The following BBX variants were observed in gnomAD, a reference collection of about 807,000 sequenced individuals.
BBX encodes BBX high mobility group box domain containing.
A neutral mutation model predicts 100.2 loss-of-function variants in BBX; 30 were observed. The ratio of observed to expected loss-of-function variants is 0.30; its 90% confidence interval spans 0.22 to 0.41. The LOEUF is 0.41. BBX is among the 10% of genes least tolerant of loss of function. The pLI, the probability that BBX is intolerant of heterozygous loss-of-function variation, is 1.00. For synonymous variants in BBX, 376 were observed against 388.1 expected (o/e 0.97, Z 0.37); for missense variants, 1,023 against 1,129.8 (o/e 0.91, Z 1.35).
chr3:107,543,423 G>T (rs377608116), intron 2 of BBX, among the ~76,000 whole-genome samples: 1 of 152,212 alleles, frequency 6.6e-6, no homozygotes, highest in South Asian at 2.1e-4. Flanking sequence ...TGTTTTTATT[G>T]TTTATAAATG....
At chr3:107,765,586 A>G (rs1171034054) in intron 10 of BBX, among the ~76,000 whole-genome samples, 1 of 152,160 alleles carries the variant, frequency 6.6e-6, no homozygotes, top group African/African-American at 2.4e-5. Flanking sequence ...CATTGGGATT[A>G]TAGGTGTGAG....
chr3:107,528,184 G>A (rs752437789), intron 2 of BBX, among the ~76,000 whole-genome samples: 46 of 152,228 alleles, frequency 3.0e-4, no homozygotes, highest in Non-Finnish European at 4.6e-4. Flanking sequence ...CCAGTTATTG[G>A]CATCTAAAAT....
intron 14 of BBX, 69 bp downstream of exon 14, chr3:107,789,945 G>A: frequency 7.9e-7 from 1 of 1,261,418 alleles, no homozygotes; most frequent in Non-Finnish European, 1.1e-6. Context: ...TTTGAGTAAT[G>A]CTCCCATGCA....
At position 107,802,128 on chromosome 3, in the gene BBX, C is replaced by A. The variant is rs144193631; in HGVS notation, c.2738+847C>A. 2.7e-3 allele frequency among the ~76,000 whole-genome samples: 407 copies of A among 152,268 alleles called. 4 individuals are homozygous for A. The highest frequency in any genetic ancestry group is 7.1e-3 in the East Asian group (37 of 5,184). On this transcript the variant is annotated intron_variant, in intron 17 of 17. Transcript: ENST00000325805. ...GTTGTAAATTCAGGTATTTTATATT[C>A]CTATTCAAAGTGGATTACCCATGGA...
intron 2 of BBX, among the ~76,000 whole-genome samples, chr3:107,547,403 C>G (rs1487083276): frequency 6.6e-6 from 1 of 151,958 alleles, no homozygotes. Flanking sequence ...TTCACAGTAC[C>G]TAGTTCAATA....
intron 2 of BBX, among the ~76,000 whole-genome samples, chr3:107,527,657 A>G (rs568209012): frequency 1.3e-5 from 2 of 152,352 alleles, no homozygotes; most frequent in South Asian, 4.1e-4. Context: ...TTTTCTATGG[A>G]ATATAAATAT....
At chr3:107,542,119 A>C (rs2048906862) in intron 2 of BBX, among the ~76,000 whole-genome samples, 2 of 152,230 alleles carry the variant, frequency 1.3e-5, no homozygotes, top group African/African-American at 4.8e-5. Flanking sequence ...AGGATCAATT[A>C]TTCAATTAAT....
chr3:107,767,457 A>T (rs1337485298), intron 10 of BBX, among the ~76,000 whole-genome samples: 1 of 152,216 alleles, frequency 6.6e-6, no homozygotes, highest in Admixed American at 6.5e-5. Context: ...AACAACAGAA[A>T]AAACAGATTG....
At chr3:107,744,190 G>A (rs557604177) in intron 7 of BBX, among the ~76,000 whole-genome samples, 2 of 151,950 alleles carry the variant, frequency 1.3e-5, no homozygotes, top group East Asian at 3.9e-4. Flanking sequence ...GCAGTGTTGG[G>A]GATAATGCAT....
chr3:107,765,542 C>A (rs1202790181), intron 10 of BBX, among the ~76,000 whole-genome samples: 1 of 152,024 alleles, frequency 6.6e-6, no homozygotes. Context: ...AAACTCCTGT[C>A]CTCAAGCGAT....
rs138161058 is a variant in BBX, at chr3:107,556,141, G to A, written c.-84+29743G>A. ...GATCTGCTCAACTCTTTTGGTTCACGGGCTCTGATATTATATCACTCTTTG... is the reference window on the plus strand; with the variant it reads ...GATCTGCTCAACTCTTTTGGTTCACAGGCTCTGATATTATATCACTCTTTG... On this transcript the variant is annotated intron_variant, in intron 2 of 17. Transcript: ENST00000325805. 3.3e-5 allele frequency among the ~76,000 whole-genome samples: 5 copies of A among 152,042 alleles called. No homozygotes were observed. In the East Asian group the frequency reaches 5.8e-4, roughly 18 times the overall value.
chr3:107,643,833 T>C (rs996345840), intron 2 of BBX, among the ~76,000 whole-genome samples: 1 of 152,138 alleles, frequency 6.6e-6, no homozygotes, highest in African/African-American at 2.4e-5. Flanking sequence ...CAGATAAAAT[T>C]TGGAGTGTTT....
At chr3:107,587,751 C>T (rs141756036) in intron 2 of BBX, among the ~76,000 whole-genome samples, 124 of 152,266 alleles carry the variant, frequency 8.1e-4, no homozygotes, top group African/African-American at 2.6e-3. Context: ...TTTGCAGGCT[C>T]GAGGCTCTTT....
intron 2 of BBX, among the ~76,000 whole-genome samples, chr3:107,558,301 A>G (rs2107461488): frequency 1.3e-5 from 2 of 152,320 alleles, no homozygotes; most frequent in East Asian, 3.9e-4. Context: ...AACCTGGCCA[A>G]TGTGGAGAAA....
At chr3:107,664,913 C>T (rs1274936000) in intron 3 of BBX, among the ~76,000 whole-genome samples, 2 of 152,180 alleles carry the variant, frequency 1.3e-5, no homozygotes, top group East Asian at 3.8e-4. Flanking sequence ...CTCAGGTCCC[C>T]TTTTCTGTCC....
intron 2 of BBX, among the ~76,000 whole-genome samples, chr3:107,538,180 A>G (rs2107344608): frequency 6.6e-6 from 1 of 152,328 alleles, no homozygotes; most frequent in Middle Eastern, 3.4e-3. Context: ...ACATGTTCAG[A>G]TTGTCATAAG....
intron 3 of BBX, among the ~76,000 whole-genome samples, chr3:107,672,297 C>T (rs986578628): frequency 1.3e-5 from 2 of 151,912 alleles, no homozygotes; most frequent in African/African-American, 2.4e-5. Context: ...CTACAAAGTA[C>T]GTATTGAGAG....
intron 2 of BBX, among the ~76,000 whole-genome samples, chr3:107,643,528 T>G (rs2057341708): frequency 6.6e-6 from 1 of 151,780 alleles, no homozygotes; most frequent in South Asian, 2.1e-4. Context: ...TGGGGGTGAT[T>G]GGGGGTTGAA....
At chr3:107,673,643 T>G (rs1306293063) in intron 3 of BBX, among the ~76,000 whole-genome samples, 2 of 152,276 alleles carry the variant, frequency 1.3e-5, no homozygotes, top group African/African-American at 4.8e-5. Flanking sequence ...GTTTTCTGTT[T>G]TATAAATTGC....
Sources: gnomAD v4.1 joint callset for allele counts (sites outside exome capture counted in the v4.1 genomes callset) on GRCh38, gnomAD v4.1.1 for gene constraint, MANE v1.5 for transcripts, NCBI Gene and HGNC (gene_info 2026-07-23, HGNC 2026-07-21) for gene names.